Variants in CHIC2 observed in about 807,000 individuals in gnomAD.
CHIC2 encodes the protein cysteine-rich hydrophobic domain-containing protein 2.
Under a neutral mutation model 25.9 loss-of-function variants are expected in CHIC2, and 14 were observed. That is an observed-to-expected ratio of 0.54 (90% confidence interval 0.36 to 0.85). The LOEUF (loss-of-function observed/expected upper bound fraction) is 0.85. Among genes scored for constraint, CHIC2 ranks in the 40% least tolerant of loss-of-function variants. CHIC2 has a pLI of 0.01. For synonymous variants in CHIC2, 70 were observed against 72.0 expected (o/e 0.97, Z 0.14); for missense variants, 146 against 202.0 (o/e 0.72, Z 1.68).
chr4:54,050,844 G>A (rs965417474), intron 1 of CHIC2, among the ~76,000 whole-genome samples: 5 of 152,062 alleles, frequency 3.3e-5, no homozygotes, highest in African/African-American at 1.2e-4. Context: ...CCATTTATCA[G>A]AGTAGTCCCC....
intron 1 of CHIC2, among the ~76,000 whole-genome samples, chr4:54,052,317 CT>C (rs1391987229): frequency 2.0e-5 from 3 of 152,034 alleles, no homozygotes; most frequent in Non-Finnish European, 4.4e-5. Context: ...GTTCTGGCTT[CT>C]TTTTTAAGTT....
At chr4:54,012,801 A>C (rs1290582556) in intron 5 of CHIC2, among the ~76,000 whole-genome samples, 1 of 152,132 alleles carries the variant, frequency 6.6e-6, no homozygotes, top group African/African-American at 2.4e-5. Flanking sequence ...TCATTGAATA[A>C]AGCTAGTCTA....
intron 3 of CHIC2, among the ~76,000 whole-genome samples, chr4:54,046,494 A>G (rs1337132800): frequency 2.0e-5 from 3 of 152,184 alleles, no homozygotes; most frequent in South Asian, 4.1e-4. Context: ...AAAAAATGCC[A>G]CATATCTACA....
chr4:54,062,084 C>T (rs1292865368), intron 1 of CHIC2, among the ~76,000 whole-genome samples: 1 of 152,080 alleles, frequency 6.6e-6, no homozygotes, highest in Admixed American at 6.6e-5. Context: ...TAAAAGGTAT[C>T]GACTATAACT....
chr4:54,042,991 CT>C (rs966678449), intron 3 of CHIC2, among the ~76,000 whole-genome samples: 52 of 152,222 alleles, frequency 3.4e-4, no homozygotes, highest in African/African-American at 1.2e-3. Context: ...CCACATAAAA[CT>C]GTTCATTCAT....
the CHIC2 span, among the ~76,000 whole-genome samples, chr4:54,075,794 C>T: frequency 6.6e-3 from 1,005 of 152,216 alleles, 7 homozygotes; most frequent in African/African-American, 0.023. Flanking sequence ...CCTCAAGGCC[C>T]GCCTCGGCCT....
chr4:54,020,346 C>G (rs1363207207), intron 3 of CHIC2, among the ~76,000 whole-genome samples: 2 of 152,192 alleles, frequency 1.3e-5, no homozygotes, highest in African/African-American at 4.8e-5. Context: ...AACACCACTC[C>G]TAACTCCACC....
the CHIC2 span, among the ~76,000 whole-genome samples, chr4:54,083,942 T>C: frequency 2.0e-5 from 3 of 152,170 alleles, no homozygotes; most frequent in Non-Finnish European, 4.4e-5. Context: ...TTAATGCATA[T>C]CCATCCTCTG....
chr4:54,049,142 G>A, intron 2 of CHIC2, 32 bp from the exon 3 acceptor site: 1 of 1,578,436 alleles, frequency 6.3e-7, no homozygotes, highest in Non-Finnish European at 8.6e-7. Context: ...TAATAACAAT[G>A]CAATATTAAT....
intron 1 of CHIC2, among the ~76,000 whole-genome samples, chr4:54,050,741 C>T (rs955893662): frequency 6.6e-6 from 1 of 152,020 alleles, no homozygotes; most frequent in African/African-American, 2.4e-5. Flanking sequence ...ATGGGCTATA[C>T]CATATAGCCT....
At chr4:54,077,595 T>A in the CHIC2 span, among the ~76,000 whole-genome samples, 90 of 152,332 alleles carry the variant, frequency 5.9e-4, no homozygotes, top group African/African-American at 2.1e-3. Context: ...AACAGACAGG[T>A]TATTTTGCTG....
intron 3 of CHIC2, among the ~76,000 whole-genome samples, chr4:54,042,645 T>G (rs1716614339): frequency 6.6e-6 from 1 of 151,950 alleles, no homozygotes; most frequent in East Asian, 1.9e-4. Flanking sequence ...ACAATGGAAA[T>G]GCCCACATAG....
At chr4:54,047,846 A>T (rs1199294802) in intron 3 of CHIC2, among the ~76,000 whole-genome samples, 1 of 151,968 alleles carries the variant, frequency 6.6e-6, no homozygotes, top group African/African-American at 2.4e-5. Flanking sequence ...ATACATTTTT[A>T]AAAAATAAAA....
chr4:54,069,081 C>A (rs1717569886), upstream of CHIC2, among the ~76,000 whole-genome samples: 1 of 152,164 alleles, frequency 6.6e-6, no homozygotes, highest in Admixed American at 6.5e-5. Context: ...TTTATTGAGA[C>A]AGAGGTACAA....
chr4:54,074,661 T>G, the CHIC2 span, among the ~76,000 whole-genome samples: 1 of 151,974 alleles, frequency 6.6e-6, no homozygotes, highest in Non-Finnish European at 1.5e-5. Flanking sequence ...CTTCCCTATT[T>G]TTAATTTTTT....
chr4:54,024,680 C>G (rs533171926), intron 3 of CHIC2, among the ~76,000 whole-genome samples: 1 of 152,140 alleles, frequency 6.6e-6, no homozygotes, highest in Non-Finnish European at 1.5e-5. Flanking sequence ...TAATAAAACT[C>G]AAGGATAGAG....
chr4:54,070,386 T>C, the CHIC2 span, among the ~76,000 whole-genome samples: 1 of 116,814 alleles, frequency 8.6e-6, no homozygotes, highest in East Asian at 2.1e-4. Context: ...TTTTTATTAT[T>C]TATTTATTTA....
At chr4:54,061,345 T>C (rs1717327040) in intron 1 of CHIC2, 2 of 151,798 alleles carry the variant, frequency 1.3e-5, no homozygotes, top group Non-Finnish European at 2.9e-5. Context: ...TATATTAAAG[T>C]AGAAAAAAAG....
chr4:54,074,816 A>T, the CHIC2 span, among the ~76,000 whole-genome samples: 4 of 152,314 alleles, frequency 2.6e-5, no homozygotes, highest in South Asian at 2.1e-4. Context: ...AAATGTTTTT[A>T]AAAATTCTCA....
Sources: allele counts gnomAD v4.1 joint callset (sites outside exome capture counted in the v4.1 genomes callset), GRCh38; gene constraint gnomAD v4.1.1; transcripts MANE v1.5; gene names NCBI Gene and HGNC (gene_info 2026-07-23, HGNC 2026-07-21).